Variants in TRIM14 observed in about 807,000 individuals in gnomAD.
TRIM14 encodes the protein tripartite motif containing 14, also known as tripartite motif-containing protein 14.
A neutral mutation model predicts 44.5 loss-of-function variants in TRIM14; 28 were observed. The ratio of observed to expected loss-of-function variants is 0.63; its 90% CI spans 0.47 to 0.86. The LOEUF (loss-of-function observed/expected upper bound fraction) is 0.86. Ranked by LOEUF, TRIM14 falls within the 40% of genes least tolerant of loss-of-function variation. The pLI is 0.00. For synonymous variants in TRIM14, 299 were observed against 269.2 expected, an observed-to-expected ratio of 1.11 and a Z score of -1.08; for missense variants, 607 against 611.1, an observed-to-expected ratio of 0.99 and a Z score of 0.07.
In TRIM14 at chr9:98,119,041, G is replaced by A; in HGVS notation, c.148C>T (p.Leu50=). The A allele has an allele frequency of 6.3e-7, 1 of 1,577,364 alleles. No individual in the cohort carries two copies. The highest frequency in any genetic ancestry group is 8.5e-7 in the Non-Finnish European group (1 of 1,171,292). ...ACAGGGTGGCCACGGTGCGCGCCCAGCACCGGGCAAAGCGCGCACACGCAG... is the reference window on the plus strand; with the variant it reads ...ACAGGGTGGCCACGGTGCGCGCCCAACACCGGGCAAAGCGCGCACACGCAG... ...RRCVCALCPV[L]GAHRGHPVGL... Residue 50 remains leucine, a synonymous_variant, in exon 1 of 6, where the codon CTG becomes TTG. Coordinates refer to ENST00000341469, the MANE Select transcript of TRIM14 (RefSeq NM_014788.4).
In TRIM14 at chr9:98,095,937, C is replaced by T. The variant is rs949518628; in HGVS notation, c.538-908G>A. ...CTGGCCCTCCTGGAGATCCTATGGG[C>T]TATCTCATACTCTTCCATAAACTCC... On this transcript the variant is annotated intron_variant, in intron 3 of 5. Coordinates refer to ENST00000341469, the MANE Select transcript of TRIM14 (RefSeq NM_014788.4). The surrounding 1 kb of genome is among the most constrained non-coding windows in gnomAD (Gnocchi z 4.1). Among the ~76,000 whole-genome samples, 1 of 152,212 alleles carries T rather than the reference C, an allele frequency of 6.6e-6. No homozygotes were observed. Among genetic ancestry groups the T allele is most frequent in the Non-Finnish European group, 1.5e-5 (1 of 68,036 alleles).
Position 98,094,852 on chromosome 9 carries a change from C to T in TRIM14, c.700+15G>A, listed in dbSNP as rs1044141030. The T allele has an allele frequency of 2.5e-6, 4 of 1,610,880 alleles. No homozygotes were observed. In the African/African-American group the frequency reaches 5.3e-5, roughly 22 times the overall value. ...GGGGAGTTAAGGACACAAAGTTGGT[C>T]ACTCGGCGACTTACTTTCCTTAAGG... On this transcript the variant is annotated intron_variant, in intron 4 of 5. Coordinates refer to ENST00000341469, the MANE Select transcript of TRIM14 (RefSeq NM_014788.4).
chr9:98,081,473 C>A, downstream of TRIM14: 1 of 183,194 alleles, frequency 5.5e-6, no homozygotes. Flanking sequence ...GCACGGTGTT[C>A]CCTGAGGTAC....
In TRIM14 at chr9:98,119,076, C is replaced by G; in HGVS notation, c.113G>C (p.Arg38Pro). 6.3e-7 allele frequency: 1 copy of G among 1,582,118 alleles called. No homozygotes were observed. The highest frequency in any genetic ancestry group is 1.1e-5 in the South Asian group (1 of 89,260). ...AAGCGCGCACACGCAGCGGCGGCAG[C>G]GGCGACAGAAGAGCTCAGCCACGCG... ...GDRVAELFCR[R>P]CRRCVCALCP... The change falls in exon 1 of 6, where the codon CGC (arginine) becomes CCC (proline). Residue 38 changes from arginine to proline, a missense_variant. Physicochemically the swap from Arg to Pro is moderately radical, Grantham distance 103. Coordinates refer to ENST00000341469, the MANE Select transcript of TRIM14 (RefSeq NM_014788.4).
chr9:98,081,118 G>T (rs748861337), downstream of TRIM14: 69 of 1,608,960 alleles, frequency 4.3e-5, no homozygotes, highest in Non-Finnish European at 5.9e-5. Context: ...TTCTGCTGCC[G>T]TGTGTGGAAA....
intron 1 of TRIM14, among the ~76,000 whole-genome samples, chr9:98,112,059 G>A (rs184542105): frequency 3.3e-5 from 5 of 151,990 alleles, no homozygotes; most frequent in East Asian, 3.9e-4. Flanking sequence ...AATATATTTC[G>A]ATCTGTTAAC....
chr9:98,111,401 C>A (rs1314707638), intron 1 of TRIM14, among the ~76,000 whole-genome samples: 1 of 151,074 alleles, frequency 6.6e-6, no homozygotes, highest in Non-Finnish European at 1.5e-5. Context: ...AGCTAGACCC[C>A]ATTTTTACCA....
intron 1 of TRIM14, 115 bp downstream of exon 1, chr9:98,118,867 T>C (rs1324117325): frequency 7.2e-6 from 9 of 1,248,196 alleles, no homozygotes; most frequent in Non-Finnish European, 9.5e-6. Flanking sequence ...GCACCTTTGG[T>C]TTCCAGGTTG....
intron 2 of TRIM14, among the ~76,000 whole-genome samples, chr9:98,101,702 G>A (rs745849757): frequency 6.6e-6 from 1 of 152,190 alleles, no homozygotes; most frequent in Non-Finnish European, 1.5e-5. Flanking sequence ...TTACAGGCAT[G>A]AGCCACTGCA....
chr9:98,107,824 G>A (rs1375519648), intron 2 of TRIM14, among the ~76,000 whole-genome samples: 2 of 137,268 alleles, frequency 1.5e-5, no homozygotes, highest in African/African-American at 2.8e-5. Context: ...CACCATTCCC[G>A]GCATTTTTTT....
chr9:98,068,130 A>C (rs539751486), downstream of TRIM14, among the ~76,000 whole-genome samples: 31 of 151,942 alleles, frequency 2.0e-4, no homozygotes, highest in Non-Finnish European at 3.5e-4. Flanking sequence ...ATGTTTAAAA[A>C]TTTCTCATTT....
At chr9:98,103,581 G>A (rs1239401531) in intron 2 of TRIM14, among the ~76,000 whole-genome samples, 1 of 152,140 alleles carries the variant, frequency 6.6e-6, no homozygotes, top group Non-Finnish European at 1.5e-5. Context: ...GCTCACGCCT[G>A]TAATTCCAGC....
the TRIM14 span, among the ~76,000 whole-genome samples, chr9:98,054,520 G>C: frequency 6.6e-6 from 1 of 152,164 alleles, no homozygotes; most frequent in African/African-American, 2.4e-5. Flanking sequence ...CCATAATGGG[G>C]CTGCAGCTGC....
At chr9:98,078,398 G>A (rs2117971616) in intron 6 of TRIM14, 1 of 1,569,978 alleles carries the variant, frequency 6.4e-7, no homozygotes, top group Non-Finnish European at 8.6e-7. Context: ...TATGGGGAAG[G>A]CGTAGTCTTT....
At chr9:98,102,133 C>T (rs1158935365) in intron 2 of TRIM14, among the ~76,000 whole-genome samples, 1 of 152,056 alleles carries the variant, frequency 6.6e-6, no homozygotes, top group African/African-American at 2.4e-5. Context: ...AGCTCACTAG[C>T]ACTCAAGCAT....
downstream of TRIM14, among the ~76,000 whole-genome samples, chr9:98,065,349 G>A (rs914297317): frequency 1.7e-5 from 1 of 59,674 alleles, no homozygotes; most frequent in South Asian, 6.2e-4. Flanking sequence ...TTTCGTTATT[G>A]TTGCCCAGGC....
At chr9:98,091,446 C>T (rs1825990549) in intron 5 of TRIM14, among the ~76,000 whole-genome samples, 2 of 152,070 alleles carry the variant, frequency 1.3e-5, no homozygotes, top group Non-Finnish European at 2.9e-5. Context: ...CTCGGTCACA[C>T]ACACACACAC....
chr9:98,078,108 G>C, intron 6 of TRIM14: 1 of 1,575,480 alleles, frequency 6.3e-7, no homozygotes, highest in Non-Finnish European at 8.7e-7. Context: ...TCAGTTGAAT[G>C]ATGAGACCAG....
chr9:98,076,772 C>G (rs1191845579), intron 6 of TRIM14: 1 of 638,490 alleles, frequency 1.6e-6, no homozygotes, highest in African/African-American at 1.9e-5. Context: ...TGACTGAGAA[C>G]AAATCTTTGC....
Sources: gnomAD v4.1 joint callset for allele counts (sites outside exome capture counted in the v4.1 genomes callset) on GRCh38, gnomAD v4.1.1 for gene constraint, Gnocchi (gnomAD v3.1) non-coding constraint, MANE v1.5 for transcripts, NCBI Gene and HGNC (gene_info 2026-07-23, HGNC 2026-07-21) for gene names.